CTNNA3: variants seen among roughly 807,000 people sequenced by gnomAD.
The protein encoded by CTNNA3 is catenin alpha-3.
Under a neutral mutation model 95.7 loss-of-function variants are expected in CTNNA3, and 76 were observed. The ratio of observed to expected loss-of-function variants is 0.79; its 90% CI spans 0.66 to 0.96. The LOEUF is 0.96. Ranked by LOEUF, CTNNA3 falls within the 40% of genes least tolerant of loss-of-function variation. CTNNA3 has a pLI of 0.00. For synonymous variants in CTNNA3, 431 were observed against 374.4 expected (o/e 1.15, Z -1.74); for missense variants, 1,191 against 1,089.8 (o/e 1.09, Z -1.31).
chr10:67,098,988 T>G (rs1184732337), intron 7 of CTNNA3: 1 of 151,838 alleles, frequency 6.6e-6, no homozygotes, highest in Non-Finnish European at 1.5e-5. Flanking sequence ...AGGAAGAATT[T>G]TAAACATGTA....
intron 14 of CTNNA3, among the ~76,000 whole-genome samples, chr10:66,072,274 G>A (rs1225631730): frequency 6.6e-6 from 1 of 152,108 alleles, no homozygotes; most frequent in Non-Finnish European, 1.5e-5. Context: ...TACAAAAGCA[G>A]GCAGCAGGCC....
Position 67,130,054 on chromosome 10 carries a change from CTG to C in CTNNA3, c.1047+50261_1047+50262del, listed in dbSNP as rs755204064. On this transcript the variant is annotated intron_variant, in intron 7 of 17. Coordinates refer to ENST00000433211, the MANE Select transcript of CTNNA3 (RefSeq NM_013266.4). ...AGAAATTAAAAGCACATGAAGGACA[CTG>C]TCTTTGAAATCTACCCCCCTTCCAA... is the stretch of plus-strand genomic sequence containing the variant. Among the ~76,000 whole-genome samples the C allele has an allele frequency of 5.5e-4, 83 of 152,124 alleles. 4 individuals are homozygous for C. The highest frequency in any genetic ancestry group is 2.8e-4 in the Non-Finnish European group (19 of 68,006).
chr10:66,259,489 G>A (rs1172031495), intron 13 of CTNNA3, among the ~76,000 whole-genome samples: 1 of 152,024 alleles, frequency 6.6e-6, no homozygotes, highest in African/African-American at 2.4e-5. Flanking sequence ...TATCAAGCAG[G>A]CCATCCAGAG....
At chr10:66,639,432 A>T (rs1845443886) in intron 9 of CTNNA3, among the ~76,000 whole-genome samples, 1 of 152,184 alleles carries the variant, frequency 6.6e-6, no homozygotes, top group Non-Finnish European at 1.5e-5. Context: ...TATGATTTGA[A>T]AAAAGGAGAA....
In CTNNA3 at chr10:66,233,626, C is replaced by G. The variant is rs149401044; in HGVS notation, c.1884+46844G>C. The stretch of plus-strand genomic sequence containing the variant: ...ACAGTGCTCCAGCACTGCATATAGA[C>G]TAGAATAGTTAAAATTAAAAGGACT... On this transcript the variant is annotated intron_variant, in intron 13 of 17. Coordinates refer to ENST00000433211, the MANE Select transcript of CTNNA3 (RefSeq NM_013266.4). Among the ~76,000 whole-genome samples, 1,186 of 152,174 alleles carry G rather than the reference C, an allele frequency of 7.8e-3. 15 individuals carry two copies. Among genetic ancestry groups the G allele is most frequent in the African/African-American group, 0.027 (1,127 of 41,510 alleles).
chr10:67,358,085 C>CA (rs995264704), intron 5 of CTNNA3, among the ~76,000 whole-genome samples: 12 of 150,420 alleles, frequency 8.0e-5, no homozygotes, highest in Non-Finnish European at 1.0e-4. Flanking sequence ...TAACCATATG[C>CA]AAAAAAAAAT....
intron 17 of CTNNA3, among the ~76,000 whole-genome samples, chr10:65,928,023 TG>T (rs1020479954): frequency 6.6e-6 from 1 of 152,218 alleles, no homozygotes; most frequent in African/African-American, 2.4e-5. Flanking sequence ...GAAATGTCAC[TG>T]TTTTGTTTTA....
chr10:67,186,044 A>AT, intron 6 of CTNNA3, among the ~76,000 whole-genome samples: 1 of 149,562 alleles, frequency 6.7e-6, no homozygotes, highest in Admixed American at 6.8e-5. Context: ...AAAAAAAAAA[A>AT]AATTAAACCA....
chr10:67,751,044 C>T, intron 1 of CTNNA3: 1 of 1,515,286 alleles, frequency 6.6e-7, no homozygotes, highest in South Asian at 1.1e-5. Flanking sequence ...TTTCCATATC[C>T]AGAGGAATGT....
intron 3 of CTNNA3, among the ~76,000 whole-genome samples, chr10:67,589,019 G>C (rs1842718883): frequency 6.6e-6 from 1 of 151,740 alleles, no homozygotes; most frequent in Non-Finnish European, 1.5e-5. Flanking sequence ...ATATATAACA[G>C]AGCCTGGCCC....
At chr10:66,277,461 A>G (rs2091419964) in intron 13 of CTNNA3, among the ~76,000 whole-genome samples, 1 of 152,150 alleles carries the variant, frequency 6.6e-6, no homozygotes, top group Non-Finnish European at 1.5e-5. Flanking sequence ...TAAGGCCAGA[A>G]TATTGGCCAA....
At chr10:66,991,971 T>C (rs1000946658) in intron 7 of CTNNA3, among the ~76,000 whole-genome samples, 18 of 152,204 alleles carry the variant, frequency 1.2e-4, no homozygotes, top group Non-Finnish European at 2.4e-4. Flanking sequence ...GTCTTGGGTC[T>C]TCTTTCACCG....
chr10:67,727,800 C>G (rs1350401705), intron 1 of CTNNA3, among the ~76,000 whole-genome samples: 21 of 106,288 alleles, frequency 2.0e-4, no homozygotes, highest in Non-Finnish European at 3.1e-4. Flanking sequence ...CATATATACA[C>G]ATATGTATTA....
intron 6 of CTNNA3, among the ~76,000 whole-genome samples, chr10:67,206,587 G>A (rs1245890092): frequency 6.7e-6 from 1 of 149,936 alleles, no homozygotes; most frequent in Non-Finnish European, 1.5e-5. Flanking sequence ...AGGGAGGGAG[G>A]AAGAAAAACA....
intron 11 of CTNNA3, among the ~76,000 whole-genome samples, chr10:66,456,661 GC>G (rs34319913): frequency 0.2 from 30,869 of 151,352 alleles, 3,477 homozygotes; most frequent in South Asian, 0.3. Context: ...AGGCAACAGA[GC>G]AAGACTCCAT....
intron 13 of CTNNA3, among the ~76,000 whole-genome samples, chr10:66,176,740 T>C (rs1200524262): frequency 6.6e-6 from 1 of 151,998 alleles, no homozygotes; most frequent in Non-Finnish European, 1.5e-5. Flanking sequence ...AAGTAGAACC[T>C]CACTAGACAC....
At chr10:66,426,911 A>C (rs1305348959) in intron 11 of CTNNA3, among the ~76,000 whole-genome samples, 3 of 151,354 alleles carry the variant, frequency 2.0e-5, no homozygotes, top group Non-Finnish European at 4.4e-5. Flanking sequence ...ATATATTTTA[A>C]ATCTGTTTTT....
At chr10:65,928,081 C>T (rs1043427129) in intron 17 of CTNNA3, among the ~76,000 whole-genome samples, 2 of 152,114 alleles carry the variant, frequency 1.3e-5, no homozygotes, top group South Asian at 2.1e-4. Context: ...AAAATGGCTA[C>T]TACAATGTTA....
intron 7 of CTNNA3, among the ~76,000 whole-genome samples, chr10:66,942,576 C>CTCTCTCTCTG (rs1400776459): frequency 2.8e-5 from 4 of 140,360 alleles, no homozygotes; most frequent in African/African-American, 1.1e-4. Context: ...CTCTCTCTCT[C>CTCTCTCTCTG]TGTGTGTGTG....
Sources: allele counts gnomAD v4.1 joint callset (sites outside exome capture counted in the v4.1 genomes callset), GRCh38; gene constraint gnomAD v4.1.1; transcripts MANE v1.5; gene names NCBI Gene and HGNC (gene_info 2026-07-23, HGNC 2026-07-21).